The following TRPM3 variants were observed in gnomAD, a reference collection of about 807,000 sequenced individuals.
TRPM3 encodes transient receptor potential cation channel subfamily M member 3.
A neutral mutation model predicts 181.2 loss-of-function variants in TRPM3; 77 were observed. The observed-to-expected ratio is 0.42, with a 90% confidence interval of 0.35 to 0.51. The LOEUF is 0.51. TRPM3 is among the 20% of genes least tolerant of loss of function. The pLI, the probability that TRPM3 is intolerant of heterozygous loss-of-function variation, is 0.01. For synonymous variants in TRPM3, 745 were observed against 796.4 expected, an observed-to-expected ratio of 0.94 and a Z score of 1.09; for missense variants, 1,759 against 2,196.7, an observed-to-expected ratio of 0.80 and a Z score of 3.98.
At chr9:71,277,365 C>A (rs772535248) in intron 1 of TRPM3, among the ~76,000 whole-genome samples, 14 of 152,112 alleles carry the variant, frequency 9.2e-5, no homozygotes, top group Non-Finnish European at 1.8e-4. Context: ...TCTTACACTG[C>A]ATTTATTTTG....
intron 1 of TRPM3, among the ~76,000 whole-genome samples, chr9:70,969,546 G>T (rs2097217967): frequency 7.0e-6 from 1 of 143,532 alleles, no homozygotes; most frequent in African/African-American, 3.0e-5. Context: ...CAATGTTAAT[G>T]AATAAGAAAT....
At chr9:71,202,844 A>G (rs1011231434) in intron 1 of TRPM3, among the ~76,000 whole-genome samples, 10 of 152,212 alleles carry the variant, frequency 6.6e-5, no homozygotes, top group African/African-American at 2.2e-4. Flanking sequence ...TGTTAGAAGG[A>G]TTAAATGAGA....
chr9:71,137,742 AG>A (rs2074855038), intron 1 of TRPM3, among the ~76,000 whole-genome samples: 1 of 152,214 alleles, frequency 6.6e-6, no homozygotes, highest in Admixed American at 6.5e-5. Context: ...TCAGGCTTGG[AG>A]GATACATTTT....
chr9:71,243,364 C>T (rs150274192), intron 1 of TRPM3, among the ~76,000 whole-genome samples: 1 of 152,314 alleles, frequency 6.6e-6, no homozygotes, highest in East Asian at 1.9e-4. Flanking sequence ...CATACAGAGG[C>T]TCCTTCCATC....
chr9:71,360,913 G>C (rs754987449), intron 1 of TRPM3, among the ~76,000 whole-genome samples: 1 of 152,206 alleles, frequency 6.6e-6, no homozygotes, highest in Non-Finnish European at 1.5e-5. Flanking sequence ...TTGTAGAAGT[G>C]AGCTGGTAGA....
chr9:70,698,111 G>A (rs1789667637), intron 8 of TRPM3, among the ~76,000 whole-genome samples: 1 of 151,946 alleles, frequency 6.6e-6, no homozygotes, highest in Admixed American at 6.6e-5. Flanking sequence ...AGGAGGCTGG[G>A]GCAGGAGGAT....
Position 70,584,807 on chromosome 9 carries a change from A to C in TRPM3, c.3223+6224T>G, listed in dbSNP as rs370142319. Among the ~76,000 whole-genome samples the C allele has an allele frequency of 4.2e-3, 643 of 152,318 alleles. 3 individuals are homozygous for C. Among genetic ancestry groups the C allele is most frequent in the African/African-American group, 0.015 (624 of 41,570 alleles). On this transcript the variant is annotated intron_variant, in intron 22 of 25. Transcript: ENST00000677713. The stretch of plus-strand genomic sequence containing the variant: ...AATGTATAACTTCAAAAACCCTTGC[A>C]AACATCTTTAATAACCCTAGTCCCT...
intron 1 of TRPM3, among the ~76,000 whole-genome samples, chr9:71,227,387 A>G (rs528959874): frequency 6.6e-6 from 1 of 152,138 alleles, no homozygotes; most frequent in South Asian, 2.1e-4. Context: ...AAGTCCCTAC[A>G]CTGAAAAATA....
At chr9:71,155,054 C>A (rs2075916974) in intron 1 of TRPM3, among the ~76,000 whole-genome samples, 1 of 152,016 alleles carries the variant, frequency 6.6e-6, no homozygotes, top group Non-Finnish European at 1.5e-5. Flanking sequence ...CCGTTTTATC[C>A]TCAAATCTAC....
chr9:71,434,249 A>G (rs1238898903), intron 1 of TRPM3, among the ~76,000 whole-genome samples: 1 of 152,172 alleles, frequency 6.6e-6, no homozygotes, highest in Non-Finnish European at 1.5e-5. Flanking sequence ...TTAGTTCCCA[A>G]GGTGATGATA....
intron 1 of TRPM3, among the ~76,000 whole-genome samples, chr9:70,934,395 A>C (rs1161168106): frequency 6.6e-6 from 1 of 152,142 alleles, no homozygotes; most frequent in African/African-American, 2.4e-5. Context: ...AAACCTGAGT[A>C]TGGGGACTCT....
At chr9:70,897,753 T>C (rs1430652384) in intron 1 of TRPM3, among the ~76,000 whole-genome samples, 2 of 152,132 alleles carry the variant, frequency 1.3e-5, no homozygotes, top group Non-Finnish European at 2.9e-5. Context: ...TAAATTATGC[T>C]GATAACCTAT....
intron 1 of TRPM3, among the ~76,000 whole-genome samples, chr9:70,995,475 A>AT (rs368118555): frequency 0.011 from 1,648 of 149,452 alleles, 30 homozygotes; most frequent in African/African-American, 0.037. Flanking sequence ...CACTGGATCT[A>AT]TTTTTTTTTT....
chr9:70,968,727 C>T (rs1407702826), intron 1 of TRPM3, among the ~76,000 whole-genome samples: 1 of 152,046 alleles, frequency 6.6e-6, no homozygotes, highest in Non-Finnish European at 1.5e-5. Flanking sequence ...TATATTTTCT[C>T]ATTTGATGCT....
intron 1 of TRPM3, among the ~76,000 whole-genome samples, chr9:71,267,050 G>C (rs550966883): frequency 3.9e-5 from 6 of 151,924 alleles, no homozygotes; most frequent in Non-Finnish European, 8.8e-5. Flanking sequence ...AGCTAACGCT[G>C]TTAGTCATCT....
chr9:71,321,063 G>A (rs2089178884), intron 1 of TRPM3, among the ~76,000 whole-genome samples: 1 of 151,946 alleles, frequency 6.6e-6, no homozygotes, highest in Non-Finnish European at 1.5e-5. Flanking sequence ...CCTAGATTAA[G>A]TTACCATCAT....
intron 18 of TRPM3, among the ~76,000 whole-genome samples, chr9:70,615,673 C>T (rs1301950082): frequency 6.6e-6 from 1 of 152,198 alleles, no homozygotes; most frequent in African/African-American, 2.4e-5. Context: ...TTGGTTTGTC[C>T]TGCACCACTA....
intron 5 of TRPM3, among the ~76,000 whole-genome samples, chr9:70,833,400 G>T (rs1401127050): frequency 1.3e-5 from 2 of 152,112 alleles, no homozygotes; most frequent in Non-Finnish European, 1.5e-5. Context: ...GTGGATGTGT[G>T]GCCCAAACAA....
At chr9:70,800,155 G>A (rs2088510779) in intron 6 of TRPM3, among the ~76,000 whole-genome samples, 1 of 151,896 alleles carries the variant, frequency 6.6e-6, no homozygotes, top group Non-Finnish European at 1.5e-5. Flanking sequence ...CTTAATACAT[G>A]TCTTAGAAAG....
Sources: allele counts gnomAD v4.1 joint callset (sites outside exome capture counted in the v4.1 genomes callset), GRCh38; gene constraint gnomAD v4.1.1; transcripts MANE v1.5; gene names NCBI Gene and HGNC (gene_info 2026-07-23, HGNC 2026-07-21).